Variants in PPARGC1A observed in about 807,000 individuals in gnomAD.
PPARGC1A encodes PPARG coactivator 1 alpha.
Under a neutral mutation model 88.7 loss-of-function variants are expected in PPARGC1A, and 25 were observed. The observed-to-expected ratio is 0.28, with a 90% CI of 0.21 to 0.39. The LOEUF (loss-of-function observed/expected upper bound fraction) is 0.39, where lower values mean the gene tolerates loss of function less well. Ranked by LOEUF, PPARGC1A falls within the 10% of genes least tolerant of loss-of-function variation. PPARGC1A has a pLI of 1.00. For synonymous variants in PPARGC1A, 363 were observed against 355.6 expected (o/e 1.02, Z -0.24); for missense variants, 880 against 968.7 (o/e 0.91, Z 1.22).
chr4:24,364,972 T>C, the PPARGC1A span, among the ~76,000 whole-genome samples: 1 of 152,078 alleles, frequency 6.6e-6, no homozygotes, highest in Non-Finnish European at 1.5e-5. Flanking sequence ...TCTCACCATA[T>C]ACCCACATAT....
the PPARGC1A span, among the ~76,000 whole-genome samples, chr4:24,271,212 TC>T: frequency 6.6e-6 from 1 of 152,168 alleles, no homozygotes; most frequent in African/African-American, 2.4e-5. Flanking sequence ...CTCTAGTGCA[TC>T]ATGGGAACTG....
At chr4:24,470,277 GACACACAC>G in the PPARGC1A span, among the ~76,000 whole-genome samples, 1,095 of 110,736 alleles carry the variant, frequency 9.9e-3, 8 homozygotes, top group Non-Finnish European at 0.013. The surrounding 1 kb of genome is among the most constrained non-coding windows in gnomAD (Gnocchi z 5.8). Context: ...GACAGACACA[GACACACAC>G]ACACACACAC....
chr4:23,877,713 C>T (rs1005935892), intron 2 of PPARGC1A: 1 of 151,940 alleles, frequency 6.6e-6, no homozygotes, highest in African/African-American at 2.4e-5. Context: ...GACAAATTAA[C>T]CTTGTTAGAT....
chr4:24,109,004 A>ACACACACACACAC, the PPARGC1A span, among the ~76,000 whole-genome samples: 2 of 150,332 alleles, frequency 1.3e-5, no homozygotes, highest in African/African-American at 4.9e-5. Flanking sequence ...AATCACACAC[A>ACACACACACACAC]CACACACACA....
the PPARGC1A span, among the ~76,000 whole-genome samples, chr4:24,288,738 T>C: frequency 6.6e-6 from 1 of 152,196 alleles, no homozygotes; most frequent in South Asian, 2.1e-4. Context: ...ATAAGAGGAA[T>C]GGCTATTTTA....
the PPARGC1A span, among the ~76,000 whole-genome samples, chr4:23,913,267 T>TATATATAGAGAGAG: frequency 1.3e-5 from 1 of 77,532 alleles, no homozygotes; most frequent in African/African-American, 5.6e-5. Context: ...TATATATATA[T>TATATATAGAGAGAG]AGAGAGAGAG....
At chr4:24,051,753 T>A in the PPARGC1A span, among the ~76,000 whole-genome samples, 1 of 152,094 alleles carries the variant, frequency 6.6e-6, no homozygotes, top group East Asian at 1.9e-4. Context: ...GAAATTAGTG[T>A]GGCTTAAATA....
At chr4:24,370,146 T>G in the PPARGC1A span, among the ~76,000 whole-genome samples, 1 of 152,188 alleles carries the variant, frequency 6.6e-6, no homozygotes. Context: ...CTTTTAACAT[T>G]TTTTTTCAAT....
At chr4:24,261,150 A>T in the PPARGC1A span, among the ~76,000 whole-genome samples, 1 of 152,180 alleles carries the variant, frequency 6.6e-6, no homozygotes, top group Non-Finnish European at 1.5e-5. Flanking sequence ...GTCTCTGGGT[A>T]ATAGAGAATG....
chr4:24,187,270 C>G, the PPARGC1A span, among the ~76,000 whole-genome samples: 1 of 152,174 alleles, frequency 6.6e-6, no homozygotes, highest in Non-Finnish European at 1.5e-5. Context: ...CCTAGATCAT[C>G]TCATTTATTT....
At chr4:24,333,681 C>A in the PPARGC1A span, among the ~76,000 whole-genome samples, 1 of 152,028 alleles carries the variant, frequency 6.6e-6, no homozygotes, top group Non-Finnish European at 1.5e-5. Context: ...CACCTGTAAT[C>A]CCAGCACTTT....
chr4:24,077,806 T>C, the PPARGC1A span, among the ~76,000 whole-genome samples: 1 of 152,056 alleles, frequency 6.6e-6, no homozygotes, highest in Non-Finnish European at 1.5e-5. Context: ...TATATCTTTC[T>C]GAAACTCCTG....
the PPARGC1A span, among the ~76,000 whole-genome samples, chr4:24,036,875 A>G: frequency 2.3e-3 from 358 of 152,374 alleles, 4 homozygotes; most frequent in Non-Finnish European, 8.4e-4. Flanking sequence ...TCAAAAATAA[A>G]TGTCAATGTC....
the PPARGC1A span, among the ~76,000 whole-genome samples, chr4:24,242,055 C>T: frequency 1.3e-5 from 2 of 152,192 alleles, no homozygotes; most frequent in African/African-American, 4.8e-5. Context: ...TGATTCTCTC[C>T]TGCTTAATAA....
At chr4:24,171,976 A>G in the PPARGC1A span, among the ~76,000 whole-genome samples, 1 of 152,188 alleles carries the variant, frequency 6.6e-6, no homozygotes, top group Non-Finnish European at 1.5e-5. Context: ...AGCCTAGCAC[A>G]TGACTTTCCA....
In PPARGC1A at chr4:23,809,308, T is replaced by A. The variant is rs552205137; in HGVS notation, c.2019+3439A>T. On this transcript the variant is annotated intron_variant, in intron 10 of 12. Transcript: ENST00000264867. ...GGAGGAAGGGAATCAATAAAAAAAA[T>A]TCATGTAGGTAAACTCATTAAATAG... Among the ~76,000 whole-genome samples, 5 of 152,268 alleles carry A rather than the reference T, an allele frequency of 3.3e-5. No homozygotes were observed. In the South Asian group the frequency reaches 8.3e-4, roughly 25 times the overall value.
At chr4:23,952,528 C>T in the PPARGC1A span, among the ~76,000 whole-genome samples, 3 of 152,092 alleles carry the variant, frequency 2.0e-5, no homozygotes, top group Non-Finnish European at 4.4e-5. Context: ...CCCACCATAA[C>T]TCCAGTTCTC....
chr4:24,077,623 G>A, the PPARGC1A span, among the ~76,000 whole-genome samples: 1 of 121,398 alleles, frequency 8.2e-6, no homozygotes, highest in East Asian at 2.6e-4. Flanking sequence ...ATGTGTCTAG[G>A]GGTGTGTGTG....
At chr4:24,155,193 A>C in the PPARGC1A span, among the ~76,000 whole-genome samples, 1 of 151,872 alleles carries the variant, frequency 6.6e-6, no homozygotes, top group African/African-American at 2.4e-5. Context: ...AAAATATGAT[A>C]ATGTATTTTA....
Sources: gnomAD v4.1 joint callset for allele counts (sites outside exome capture counted in the v4.1 genomes callset) on GRCh38, gnomAD v4.1.1 for gene constraint, Gnocchi (gnomAD v3.1) non-coding constraint, MANE v1.5 for transcripts, NCBI Gene and HGNC (gene_info 2026-07-23, HGNC 2026-07-21) for gene names.